The following LRRTM4 variants were observed in gnomAD, a reference collection of about 807,000 sequenced individuals.
LRRTM4 encodes leucine rich repeat transmembrane neuronal 4, also known as leucine-rich repeat transmembrane neuronal protein 4.
Under a neutral mutation model 47.6 loss-of-function variants are expected in LRRTM4, and 25 were observed. The observed-to-expected ratio is 0.53, with a 90% CI of 0.38 to 0.73. LRRTM4 has a LOEUF of 0.73. LRRTM4 is among the 30% of genes least tolerant of loss of function. The pLI, the probability that LRRTM4 is intolerant of heterozygous loss-of-function variation, is 0.00. For synonymous variants in LRRTM4, 311 were observed against 269.5 expected (o/e 1.15, Z -1.51); for missense variants, 638 against 713.4 (o/e 0.89, Z 1.20).
chr2:77,225,374 T>TA (rs1174231302), intron 3 of LRRTM4, among the ~76,000 whole-genome samples: 2 of 120,966 alleles, frequency 1.7e-5, no homozygotes, highest in Admixed American at 8.6e-5. Context: ...AATAATAAAA[T>TA]AAAAAAAAAG....
At chr2:76,981,907 G>A (rs1676621759) in intron 3 of LRRTM4, among the ~76,000 whole-genome samples, 1 of 151,976 alleles carries the variant, frequency 6.6e-6, no homozygotes, top group African/African-American at 2.4e-5. Context: ...TAAATCTTGT[G>A]TGGTTTGAGG....
chr2:77,414,596 G>C (rs867380328), intron 3 of LRRTM4, among the ~76,000 whole-genome samples: 1 of 152,252 alleles, frequency 6.6e-6, no homozygotes, highest in African/African-American at 2.4e-5. Flanking sequence ...GGTATAATTT[G>C]CCATCAGTAA....
rs555863720 is a variant in LRRTM4, at chr2:77,376,116, T to G, written c.1551+142202A>C. The stretch of plus-strand genomic sequence containing the variant: ...AAAGAAAGGACAAAACTAAACTATT[T>G]TTGTATAATAGCTCTACCTATTGTG... On this transcript the variant is annotated intron_variant, in intron 3 of 3. Transcript: ENST00000409884. 1.1e-4 allele frequency among the ~76,000 whole-genome samples: 17 copies of G among 152,004 alleles called. No homozygotes were observed. The South Asian group carries it at 1.2e-3, about 11-fold the overall frequency.
At chr2:76,786,180 A>AGAGACTTTC (rs1674660282) in intron 3 of LRRTM4, among the ~76,000 whole-genome samples, 1 of 152,146 alleles carries the variant, frequency 6.6e-6, no homozygotes, top group East Asian at 1.9e-4. Context: ...TCATAGAGCA[A>AGAGACTTTC]TTTATAAAGA....
chr2:76,784,033 G>T (rs1674537997), intron 3 of LRRTM4, among the ~76,000 whole-genome samples: 3 of 152,034 alleles, frequency 2.0e-5, no homozygotes, highest in Non-Finnish European at 2.9e-5. Context: ...GTGAAAGTGA[G>T]AAAACATAAA....
chr2:77,303,143 A>G (rs978685106), intron 3 of LRRTM4, among the ~76,000 whole-genome samples: 24 of 151,914 alleles, frequency 1.6e-4, no homozygotes, highest in Non-Finnish European at 3.4e-4. Flanking sequence ...TTCCTCAAAT[A>G]CAAAACTGAA....
intron 3 of LRRTM4, among the ~76,000 whole-genome samples, chr2:76,905,758 G>T (rs1307348879): frequency 6.6e-6 from 1 of 151,540 alleles, no homozygotes; most frequent in East Asian, 2.0e-4. Context: ...GATGGAAGAT[G>T]AAATGAATGA....
intron 3 of LRRTM4, among the ~76,000 whole-genome samples, chr2:76,801,249 G>T (rs1675661450): frequency 6.6e-6 from 1 of 152,016 alleles, no homozygotes; most frequent in Admixed American, 6.6e-5. Context: ...CAATAGCAAA[G>T]ACTTGGAACC....
intron 3 of LRRTM4, among the ~76,000 whole-genome samples, chr2:77,188,468 T>TA (rs1015822727): frequency 7.2e-5 from 11 of 152,308 alleles, no homozygotes; most frequent in Non-Finnish European, 1.3e-4. Context: ...GATCACCGTT[T>TA]AAAAAATGAT....
intron 3 of LRRTM4, among the ~76,000 whole-genome samples, chr2:77,256,256 A>T (rs13389123): frequency 6.6e-6 from 1 of 152,066 alleles, no homozygotes; most frequent in Non-Finnish European, 1.5e-5. Flanking sequence ...CCCAATATCA[A>T]TTAAGAAATT....
intron 3 of LRRTM4, among the ~76,000 whole-genome samples, chr2:77,493,274 C>G (rs1678239791): frequency 6.6e-6 from 1 of 151,786 alleles, no homozygotes; most frequent in South Asian, 2.1e-4. Context: ...GGGAAGGATA[C>G]AAATTAATAA....
intron 3 of LRRTM4, among the ~76,000 whole-genome samples, chr2:77,429,296 TTATC>T (rs1195510575): frequency 2.0e-5 from 3 of 152,114 alleles, no homozygotes; most frequent in Non-Finnish European, 4.4e-5. Context: ...CCCAGGAAAA[TTATC>T]TAAGAATTAC....
chr2:77,258,104 A>T (rs1558657006), intron 3 of LRRTM4, among the ~76,000 whole-genome samples: 1 of 145,572 alleles, frequency 6.9e-6, no homozygotes. Context: ...CTCAAAAATA[A>T]AAAGAAAAGA....
At chr2:77,371,817 G>A (rs941706342) in intron 3 of LRRTM4, among the ~76,000 whole-genome samples, 1 of 151,694 alleles carries the variant, frequency 6.6e-6, no homozygotes, top group Admixed American at 6.6e-5. Context: ...CAGTCAAAAT[G>A]TGCTCCACGG....
intron 3 of LRRTM4, among the ~76,000 whole-genome samples, chr2:77,405,982 A>G (rs1674164589): frequency 6.6e-6 from 1 of 152,148 alleles, no homozygotes; most frequent in Non-Finnish European, 1.5e-5. Flanking sequence ...TTGTCCTATA[A>G]TGAAGCTTAA....
chr2:77,340,271 G>T (rs1373348527), intron 3 of LRRTM4, among the ~76,000 whole-genome samples: 3 of 151,760 alleles, frequency 2.0e-5, no homozygotes, highest in Admixed American at 1.3e-4. Flanking sequence ...AGTCAGAAGT[G>T]CATAGGTCCA....
chr2:76,781,073 G>C (rs552126298), intron 3 of LRRTM4, among the ~76,000 whole-genome samples: 1 of 80,496 alleles, frequency 1.2e-5, no homozygotes, highest in East Asian at 2.1e-4. Flanking sequence ...AGGCTGTTCT[G>C]GGGTCAGGGA....
At chr2:77,190,138 G>T (rs1673626345) in intron 3 of LRRTM4, among the ~76,000 whole-genome samples, 1 of 151,004 alleles carries the variant, frequency 6.6e-6, no homozygotes. Flanking sequence ...TTTCTTTTTG[G>T]GTCTAGTTTA....
chr2:76,982,870 TCA>T (rs1558777359), intron 3 of LRRTM4, among the ~76,000 whole-genome samples: 2 of 152,024 alleles, frequency 1.3e-5, no homozygotes, highest in South Asian at 2.1e-4. Context: ...GGGCAGAGAG[TCA>T]CAATTTATAT....
Sources: allele counts gnomAD v4.1 joint callset (sites outside exome capture counted in the v4.1 genomes callset), GRCh38; gene constraint gnomAD v4.1.1; transcripts MANE v1.5; gene names NCBI Gene and HGNC (gene_info 2026-07-23, HGNC 2026-07-21).